LRRIQ3: variants seen among roughly 807,000 people sequenced by gnomAD.
The protein encoded by LRRIQ3 is leucine-rich repeat and IQ domain-containing protein 3.
Under a neutral mutation model 59.3 loss-of-function variants are expected in LRRIQ3, and 75 were observed. That is an observed-to-expected ratio of 1.26 (90% CI 1.05 to 1.53). The LOEUF is 1.53. Ranked by LOEUF, LRRIQ3 falls within the 40% of genes most tolerant of loss-of-function variation. LRRIQ3 has a pLI of 0.00. For missense variants in LRRIQ3, 831 were observed against 710.0 expected (o/e 1.17, Z -1.94); for synonymous variants, 250 against 231.3 (o/e 1.08, Z -0.73).
At chr1:74,151,078 C>T (rs1441246554) in intron 4 of LRRIQ3, among the ~76,000 whole-genome samples, 1 of 136,498 alleles carries the variant, frequency 7.3e-6, no homozygotes, top group Non-Finnish European at 1.5e-5. Context: ...AGTGCAGTGG[C>T]GCGATCTCGG....
intron 6 of LRRIQ3, among the ~76,000 whole-genome samples, chr1:74,044,889 C>G (rs776670380): frequency 6.6e-6 from 1 of 152,222 alleles, no homozygotes; most frequent in East Asian, 1.9e-4. Flanking sequence ...CTGGACACTA[C>G]ACTCTTCCAA....
chr1:74,088,386 T>C (rs1442056630), intron 5 of LRRIQ3, among the ~76,000 whole-genome samples: 1 of 152,088 alleles, frequency 6.6e-6, no homozygotes, highest in Non-Finnish European at 1.5e-5. Flanking sequence ...AACTATACCA[T>C]TGAAGATTCT....
At chr1:74,174,688 C>T (rs960882621) in intron 3 of LRRIQ3, among the ~76,000 whole-genome samples, 1 of 151,934 alleles carries the variant, frequency 6.6e-6, no homozygotes, top group African/African-American at 2.4e-5. Flanking sequence ...GTCACTGCAC[C>T]CAGCCTACAA....
Position 74,041,814 on chromosome 1 carries a change from T to TC in LRRIQ3, c.1116dup (p.Lys373GlufsTer23). 6.2e-7 allele frequency: 1 copy of TC among 1,613,588 alleles called. No homozygotes were observed. Among genetic ancestry groups the TC allele is most frequent in the Non-Finnish European group, 8.5e-7 (1 of 1,179,746 alleles). On this transcript the variant is annotated frameshift_variant, in exon 7 of 8. Transcript: ENST00000354431. LOFTEE classifies it high-confidence loss of function. ...TATGCAGGAAAAAAATGTTGTTTTT[T>TC]CTCTCTCAATACTGCATTATTCTTC... is the stretch of plus-strand genomic sequence containing the variant.
Position 74,141,800 on chromosome 1 carries a change from T to C in LRRIQ3, c.707+13933A>G, listed in dbSNP as rs929050558. On this transcript the variant is annotated intron_variant, in intron 4 of 7. Transcript: ENST00000354431. ...ATATTGGGCTCATTTTGTTGCTTCA[T>C]GAAAAATTTTCCTAGTCCACTTTTG... Among the ~76,000 whole-genome samples the C allele has an allele frequency of 8.6e-5, 13 of 151,836 alleles. 1 individual carries two copies.
chr1:74,072,527 G>A (rs545912094), intron 6 of LRRIQ3, among the ~76,000 whole-genome samples: 2 of 151,754 alleles, frequency 1.3e-5, no homozygotes, highest in African/African-American at 2.4e-5. Context: ...AGAGATTAAT[G>A]TTTTTATCAC....
At chr1:74,084,168 A>T in intron 5 of LRRIQ3, 2 of 1,546,846 alleles carry the variant, frequency 1.3e-6, no homozygotes, top group South Asian at 2.4e-5. Context: ...AGATGAATAC[A>T]CACATCCAGC....
chr1:74,026,947 G>A lies in LRRIQ3; in HGVS notation c.1741C>T (p.His581Tyr), dbSNP rs1315547203. 6.4e-7 allele frequency: 1 copy of A among 1,572,778 alleles called. No individual in the cohort carries two copies. The highest frequency in any genetic ancestry group is 1.8e-5 in the Admixed American group (1 of 56,560). ...TCCATAACAAATTTTTCTTCACAAT[G>A]TCTTTTATATATTTCTTGAGATCTA... ...KVRSQEIYKR[H>Y]CEEKFVMDMI... The change falls in exon 8 of 8, where the codon CAT (histidine) becomes TAT (tyrosine). Residue 581 changes from histidine to tyrosine, a missense_variant. His to Tyr is a moderately conservative substitution (Grantham distance 83). Transcript: ENST00000354431.
intron 3 of LRRIQ3, among the ~76,000 whole-genome samples, chr1:74,165,227 C>G (rs973693874): frequency 1.3e-5 from 2 of 151,556 alleles, no homozygotes. Context: ...TGCATTGAAG[C>G]TGTATATAAA....
At chr1:74,197,011 C>T (rs923284831) in intron 1 of LRRIQ3, among the ~76,000 whole-genome samples, 2 of 152,214 alleles carry the variant, frequency 1.3e-5, no homozygotes, top group Admixed American at 6.5e-5. Flanking sequence ...CTCTGACCTT[C>T]TCTCGCTACT....
chr1:74,109,301 A>C, intron 5 of LRRIQ3, 93 bp downstream of exon 5: 1 of 908,436 alleles, frequency 1.1e-6, no homozygotes, highest in African/African-American at 1.7e-5. Context: ...AAGGACATTT[A>C]ATAGAGACTG....
chr1:74,063,139 C>CA (rs1368103117), intron 6 of LRRIQ3, among the ~76,000 whole-genome samples: 15 of 149,428 alleles, frequency 1.0e-4, no homozygotes, highest in East Asian at 6.1e-4. Flanking sequence ...ACAACAACAA[C>CA]AACAACAACA....
At chr1:74,046,484 C>T (rs1654207348) in intron 6 of LRRIQ3, among the ~76,000 whole-genome samples, 1 of 152,070 alleles carries the variant, frequency 6.6e-6, no homozygotes, top group Non-Finnish European at 1.5e-5. Flanking sequence ...AAACCTAAAG[C>T]CATAAAAACC....
chr1:74,167,180 G>A (rs1180920675), intron 3 of LRRIQ3, among the ~76,000 whole-genome samples: 2 of 151,728 alleles, frequency 1.3e-5, no homozygotes, highest in East Asian at 3.9e-4. Context: ...GCACAATTTG[G>A]AATTGCAAAA....
At chr1:74,030,326 A>G (rs1303636873) in intron 7 of LRRIQ3, among the ~76,000 whole-genome samples, 1 of 152,156 alleles carries the variant, frequency 6.6e-6, no homozygotes, top group African/African-American at 2.4e-5. Context: ...CAAAAGAACA[A>G]AGCTGGAGGC....
chr1:74,067,943 CT>C (rs1319903379), intron 6 of LRRIQ3, among the ~76,000 whole-genome samples: 1 of 152,008 alleles, frequency 6.6e-6, no homozygotes, highest in Non-Finnish European at 1.5e-5. Flanking sequence ...TCTGAGCTCT[CT>C]TTTTACTATA....
chr1:74,080,242 T>C (rs1381929760), intron 5 of LRRIQ3, among the ~76,000 whole-genome samples: 1 of 151,674 alleles, frequency 6.6e-6, no homozygotes, highest in East Asian at 1.9e-4. Flanking sequence ...AAAGATAATC[T>C]ATAATAGGTA....
At chr1:74,131,330 A>G (rs1332665729) in intron 4 of LRRIQ3, among the ~76,000 whole-genome samples, 5 of 152,144 alleles carry the variant, frequency 3.3e-5, no homozygotes, top group Non-Finnish European at 7.4e-5. Context: ...TTCTGAAAAT[A>G]TTCCAATCAA....
chr1:74,109,443 AAG>A lies in LRRIQ3; in HGVS notation c.816_817del (p.Phe274GlnfsTer3). ...TTTTATATTAGTTTCAGGTTTGAAAAAGAGATCCTTAAGGAGCTTATCTTCAT... is the reference window on the plus strand; with the variant it reads ...TTTTATATTAGTTTCAGGTTTGAAAAAGATCCTTAAGGAGCTTATCTTCAT... On this transcript the variant is annotated frameshift_variant, in exon 5 of 8. Coordinates refer to ENST00000354431, the MANE Select transcript of LRRIQ3 (RefSeq NM_001105659.2). LOFTEE classifies it high-confidence loss of function. The A allele has an allele frequency of 1.9e-6, 3 of 1,570,384 alleles. No homozygotes were observed. The highest frequency in any genetic ancestry group is 2.6e-6 in the Non-Finnish European group (3 of 1,158,698).
Sources: allele counts gnomAD v4.1 joint callset (sites outside exome capture counted in the v4.1 genomes callset), GRCh38; gene constraint gnomAD v4.1.1; transcripts MANE v1.5; gene names NCBI Gene and HGNC (gene_info 2026-07-23, HGNC 2026-07-21).